Variants in ATP6V0E1 observed in about 807,000 individuals in gnomAD.
The protein encoded by ATP6V0E1 is ATPase H+ transporting V0 subunit e1.
ATP6V0E1 carries 4 observed loss-of-function variants against 11.6 expected under a neutral mutation model. That is an observed-to-expected ratio of 0.35 (90% confidence interval 0.17 to 0.79). ATP6V0E1 has a LOEUF of 0.79. Ranked by LOEUF, ATP6V0E1 falls within the 30% of genes least tolerant of loss-of-function variation. ATP6V0E1 has a pLI of 0.54. For missense variants in ATP6V0E1, 105 were observed against 100.0 expected (o/e 1.05, Z -0.21); for synonymous variants, 36 against 34.8 (o/e 1.04, Z -0.13).
chr5:172,989,161 C>T (rs1755942788), intron 1 of ATP6V0E1, among the ~76,000 whole-genome samples: 1 of 152,134 alleles, frequency 6.6e-6, no homozygotes, highest in African/African-American at 2.4e-5. Context: ...AAAGCAAGAC[C>T]TGGTCTCTAC....
At chr5:172,989,569 C>T (rs2113578338) in intron 1 of ATP6V0E1, among the ~76,000 whole-genome samples, 2 of 152,010 alleles carry the variant, frequency 1.3e-5, no homozygotes, top group East Asian at 3.9e-4. Flanking sequence ...CTCTGTCACC[C>T]AGGCTGGAGT....
At chr5:172,998,267 C>CACAG (rs1581626899) in intron 2 of ATP6V0E1, among the ~76,000 whole-genome samples, 2 of 127,144 alleles carry the variant, frequency 1.6e-5, no homozygotes, top group East Asian at 4.7e-4. Context: ...CAGAGTGGAA[C>CACAG]ACAGGTTGCA....
At chr5:172,987,159 G>A in intron 1 of ATP6V0E1, 1 of 201,034 alleles carries the variant, frequency 5.0e-6, no homozygotes. Flanking sequence ...CATGGGGAAG[G>A]GGCCCCTGGT....
chr5:173,007,998 T>C (rs1300737544), intron 2 of ATP6V0E1, among the ~76,000 whole-genome samples: 1 of 152,128 alleles, frequency 6.6e-6, no homozygotes, highest in Non-Finnish European at 1.5e-5. Context: ...GGCTACAAGA[T>C]CAAAGAGGTA....
intron 2 of ATP6V0E1, among the ~76,000 whole-genome samples, chr5:173,018,789 G>C (rs1756438978): frequency 6.6e-6 from 1 of 152,104 alleles, no homozygotes; most frequent in African/African-American, 2.4e-5. Flanking sequence ...AGTGAAGAAT[G>C]GTTTGAATAC....
intron 3 of ATP6V0E1, among the ~76,000 whole-genome samples, chr5:173,022,712 C>T (rs1040831286): frequency 4.6e-5 from 7 of 152,064 alleles, no homozygotes; most frequent in South Asian, 2.1e-4. Flanking sequence ...TGGCTTACTG[C>T]AGCCTCACAC....
chr5:172,993,689 C>CA (rs1034122406), intron 1 of ATP6V0E1, among the ~76,000 whole-genome samples: 3 of 129,156 alleles, frequency 2.3e-5, no homozygotes, highest in African/African-American at 6.1e-5. Flanking sequence ...ACCCCCCCCC[C>CA]CGACCCCACC....
At chr5:172,987,282 CT>C (rs200416452) in intron 1 of ATP6V0E1, 22,901 of 145,046 alleles carry the variant, frequency 0.16, 2,465 homozygotes, top group East Asian at 0.58. Context: ...CCTGCTATAA[CT>C]TTTTTTTTTT....
chr5:173,026,737 A>G (rs963269301), intron 3 of ATP6V0E1, among the ~76,000 whole-genome samples: 1 of 152,162 alleles, frequency 6.6e-6, no homozygotes, highest in Admixed American at 6.5e-5. Flanking sequence ...GTGCCATCCT[A>G]TGCATATGCC....
chr5:173,026,427 A>G (rs143759384), intron 3 of ATP6V0E1, among the ~76,000 whole-genome samples: 37 of 152,344 alleles, frequency 2.4e-4, no homozygotes, highest in Middle Eastern at 3.4e-3. Flanking sequence ...TATATAAAAC[A>G]TCTCCAAAGT....
rs562754343 is a variant in ATP6V0E1, at chr5:173,034,600, C to A, written c.*238C>A. The A allele has an allele frequency of 9.7e-6, 6 of 616,836 alleles. No individual in the cohort carries two copies. In the East Asian group the frequency reaches 1.4e-4, roughly 14 times the overall value. 38.2% of individuals were successfully genotyped at this position (616,836 alleles called of 1,614,324 possible). ...TCCATAACCTGAACTGTGCCGACTC[C>A]ACAAAACGATTATGTACTCTTCTGA... On this transcript the variant is annotated 3_prime_UTR_variant, in exon 4 of 4. Coordinates refer to ENST00000519374, the MANE Select transcript of ATP6V0E1 (RefSeq NM_003945.4).
intron 1 of ATP6V0E1, among the ~76,000 whole-genome samples, chr5:172,994,347 A>G (rs1269362027): frequency 1.3e-5 from 2 of 152,180 alleles, no homozygotes; most frequent in Non-Finnish European, 1.5e-5. Flanking sequence ...TGCTGATGAG[A>G]GATCAAAGTG....
At chr5:172,987,852 A>G (rs1387896183) in intron 1 of ATP6V0E1, among the ~76,000 whole-genome samples, 2 of 152,022 alleles carry the variant, frequency 1.3e-5, no homozygotes, top group Non-Finnish European at 2.9e-5. Context: ...TAGCTAGGAC[A>G]TAGGCGTGCA....
At position 173,029,906 on chromosome 5, in the gene ATP6V0E1, GC is replaced by G. The variant is rs1420760446; in HGVS notation, c.*37-4490del. On this transcript the variant is annotated intron_variant, in intron 3 of 3. Transcript: ENST00000519374. ...TCCTTCTCACTACTTTCCCCTCCAG[GC>G]CCTAGTGGTGTGGGCCCTTGTTCTT... 2.4e-4 allele frequency among the ~76,000 whole-genome samples: 37 copies of G among 152,196 alleles called. No individual in the cohort carries two copies. In the Middle Eastern group the frequency reaches 0.01, roughly 42 times the overall value.
rs6877551 is a variant in ATP6V0E1, at chr5:173,017,440, G to A, written c.153-2798G>A. On this transcript the variant is annotated intron_variant, in intron 2 of 3. Coordinates refer to ENST00000519374, the MANE Select transcript of ATP6V0E1 (RefSeq NM_003945.4). ...TCCCAACTACTCGGGAGGCTGAGGC[G>A]GGAGAATCGCTTGAACCCGGGAGGC... 8.6e-3 allele frequency among the ~76,000 whole-genome samples: 1,309 copies of A among 151,736 alleles called. 19 individuals are homozygous for A. The highest frequency in any genetic ancestry group is 0.03 in the African/African-American group (1,248 of 41,326).
intron 2 of ATP6V0E1, among the ~76,000 whole-genome samples, chr5:173,016,002 G>T (rs1453745118): frequency 6.6e-6 from 1 of 152,120 alleles, no homozygotes; most frequent in Non-Finnish European, 1.5e-5. Flanking sequence ...GAGATTACAG[G>T]CGTGAGCCAC....
intron 3 of ATP6V0E1, among the ~76,000 whole-genome samples, chr5:173,021,989 C>T (rs1181599077): frequency 3.3e-5 from 5 of 152,262 alleles, no homozygotes; most frequent in South Asian, 2.1e-4. Context: ...GAGGCGAGAT[C>T]GCGCCACTGC....
chr5:173,014,522 G>A (rs753009639), intron 2 of ATP6V0E1, among the ~76,000 whole-genome samples: 1 of 152,084 alleles, frequency 6.6e-6, no homozygotes, highest in Non-Finnish European at 1.5e-5. Flanking sequence ...TGTACACTAC[G>A]GAATAGTATT....
At chr5:172,997,584 C>T (rs916463558) in intron 2 of ATP6V0E1, among the ~76,000 whole-genome samples, 4 of 151,518 alleles carry the variant, frequency 2.6e-5, no homozygotes, top group East Asian at 1.9e-4. Context: ...CCGAGGCGGG[C>T]GGATCACGAG....
Sources: allele counts gnomAD v4.1 joint callset (sites outside exome capture counted in the v4.1 genomes callset), GRCh38; gene constraint gnomAD v4.1.1; transcripts MANE v1.5; gene names NCBI Gene and HGNC (gene_info 2026-07-23, HGNC 2026-07-21).